DROSHA: variants seen among roughly 807,000 people sequenced by gnomAD.
DROSHA encodes drosha ribonuclease III.
Under a neutral mutation model 181.9 loss-of-function variants are expected in DROSHA, and 56 were observed. That is an observed-to-expected ratio of 0.31 (90% CI 0.25 to 0.38). The LOEUF (loss-of-function observed/expected upper bound fraction) is 0.38. Ranked by LOEUF, DROSHA falls within the 10% of genes least tolerant of loss-of-function variation. DROSHA has a pLI of 1.00. For synonymous variants in DROSHA, 524 were observed against 591.2 expected, an observed-to-expected ratio of 0.89 and a Z score of 1.65; for missense variants, 1,218 against 1,743.5, an observed-to-expected ratio of 0.70 and a Z score of 5.37.
At position 31,526,383 on chromosome 5, in the gene DROSHA, T is replaced by C; in HGVS notation, c.550A>G (p.Ser184Gly). 1 of 1,613,372 alleles carries C rather than the reference T, an allele frequency of 6.2e-7. No homozygotes were observed. The highest frequency in any genetic ancestry group is 8.5e-7 in the Non-Finnish European group (1 of 1,179,804). ...AAAGAACTAGGGTTGTTCTGGAAAC[T>C]ATTAAAACTGGGAGGTGGGAAGTTG... Reference protein sequence around the residue: ...HHNFPPPSFNSFQNNPSSFLP... With the variant: ...HHNFPPPSFNGFQNNPSSFLP... The change falls in exon 5 of 36, where the codon AGT (serine) becomes GGT (glycine). Residue 184 changes from serine (S) to glycine (G), a missense_variant. Ser to Gly is a moderately conservative substitution (Grantham distance 56, BLOSUM62 0). Coordinates refer to ENST00000344624, the MANE Select transcript of DROSHA (RefSeq NM_001382508.1).
At chr5:31,421,499 C>A (rs1438793633) in intron 29 of DROSHA, 122 bp from the exon 30 acceptor site, 1 of 784,460 alleles carries the variant, frequency 1.3e-6, no homozygotes, top group Admixed American at 2.3e-5. Flanking sequence ...TTTTAAAGCA[C>A]AAAACCAAAT....
chr5:31,425,264 A>G (rs1409116497), intron 27 of DROSHA, among the ~76,000 whole-genome samples: 1 of 152,226 alleles, frequency 6.6e-6, no homozygotes, highest in Non-Finnish European at 1.5e-5. Context: ...CTTGTAACAC[A>G]CAGGGTAATA....
In DROSHA at chr5:31,431,366, C is replaced by CAAAA. The variant is rs58316191; in HGVS notation, c.3145+206_3145+209dup. Among the ~76,000 whole-genome samples, 175 of 57,650 alleles carry CAAAA rather than the reference C, an allele frequency of 3.0e-3. 5 individuals are homozygous for CAAAA. Among genetic ancestry groups the CAAAA allele is most frequent in the African/African-American group, 7.9e-3 (117 of 14,860 alleles). The allele number at this position is 57,650 out of a possible 152,430, so 37.8% of individuals were successfully genotyped here. A position where few individuals can be genotyped will look rare whatever the true frequency, so the allele number is the denominator to read the frequency against. On this transcript the variant is annotated intron_variant, in intron 26 of 35. Coordinates refer to ENST00000344624, the MANE Select transcript of DROSHA (RefSeq NM_001382508.1). Reference sequence around the variant, plus strand: ...AGACACCAATTCAGGCAGTAGAATGCAAAAAAAAAAAAAAAAAAAAAAAGA... The same window carrying CAAAA: ...AGACACCAATTCAGGCAGTAGAATGCAAAAAAAAAAAAAAAAAAAAAAAAAAAGA...
Position 31,526,749 on chromosome 5 carries a change from T to C in DROSHA, c.184A>G (p.Thr62Ala), listed in dbSNP as rs748771830. ...QYEPPSAPST[T>A]FSNSPAPNFL... Reference sequence around the variant, plus strand: ...TTGGGGGCTGGAGAGTTTGAGAAAGTGGTGGAAGGGGCACTTGGAGGTTCA... The same window carrying C: ...TTGGGGGCTGGAGAGTTTGAGAAAGCGGTGGAAGGGGCACTTGGAGGTTCA... The change falls in exon 5 of 36, where the codon ACT (threonine) becomes GCT (alanine). Residue 62 changes from threonine to alanine, a missense_variant. By Grantham distance (58) the Thr-to-Ala change is moderately conservative (BLOSUM62 0). Coordinates refer to ENST00000344624, the MANE Select transcript of DROSHA (RefSeq NM_001382508.1). The C allele has an allele frequency of 1.8e-5, 29 of 1,585,670 alleles. No homozygotes were observed. The highest frequency in any genetic ancestry group is 9.3e-5 in the Admixed American group (5 of 54,008).
intron 13 of DROSHA, among the ~76,000 whole-genome samples, chr5:31,489,670 CA>C (rs11348464): frequency 0.92 from 139,416 of 152,078 alleles, 64,298 homozygotes; most frequent in Non-Finnish European, 0.98. Flanking sequence ...CTCACCCTAG[CA>C]AAAAAACTCA....
At chr5:31,459,380 C>G (rs1251853610) in intron 20 of DROSHA, among the ~76,000 whole-genome samples, 7 of 146,746 alleles carry the variant, frequency 4.8e-5, no homozygotes, top group African/African-American at 1.8e-4. Flanking sequence ...CCACTGGATT[C>G]CAGCCTGGGC....
rs891237855 is a variant in DROSHA at position 31,515,533 on chromosome 5, C to T, written c.979G>A (p.Ala327Thr). ...CCAGGTAATTCTGGTGTGCATCCAG[C>T]AGGTTCAGGAACAACCGATAAACCG... ...SYGLSVVPEP[A>T]GCTPELPGEI... Residue 327 changes from alanine (A) to threonine (T), a missense_variant, in exon 7 of 36, where the codon GCT becomes ACT. Transcript: ENST00000344624. 1.3e-6 allele frequency: 2 copies of T among 1,547,938 alleles called. No individual in the cohort carries two copies. Among genetic ancestry groups the T allele is most frequent in the Non-Finnish European group, 1.7e-6 (2 of 1,143,552 alleles).
rs575016913 is a variant in DROSHA, at chr5:31,451,523, T to C, written c.2682+10A>G. The C allele has an allele frequency of 2.5e-6, 4 of 1,600,536 alleles. No homozygotes were observed. The highest frequency in any genetic ancestry group is 4.5e-5 in the East Asian group (2 of 44,706). ...GTTATTATGTGAGTTTACAGGAGAA[T>C]AATTCTTACCTGCAACAGACAACGA... is the stretch of plus-strand genomic sequence containing the variant. On this transcript the variant is annotated intron_variant, in intron 21 of 35. Coordinates refer to ENST00000344624, the MANE Select transcript of DROSHA (RefSeq NM_001382508.1).
chr5:31,435,720 G>C (rs767392779), intron 25 of DROSHA, 45 bp downstream of exon 25: 1 of 1,556,346 alleles, frequency 6.4e-7, no homozygotes, highest in Non-Finnish European at 8.8e-7. Context: ...GACCGCAGAA[G>C]AGCATGTCAG....
chr5:31,526,699 A>C lies in DROSHA; in HGVS notation c.234T>G (p.Phe78Leu). Residue 78 changes from phenylalanine to leucine, a missense_variant, in exon 5 of 36, where the codon TTT becomes TTG. Phe to Leu is a conservative substitution (Grantham distance 22). Transcript: ENST00000344624. Reference sequence around the variant, plus strand: ...GAGGCATGGGTGGGGGGAAGGGTACAAAGTCTGGTCGTGGAGGGAGAAAAT... The same window carrying C: ...GAGGCATGGGTGGGGGGAAGGGTACCAAGTCTGGTCGTGGAGGGAGAAAAT... ...APNFLPPRPD[F>L]VPFPPPMPPS... 1 of 1,540,492 alleles carries C rather than the reference A, an allele frequency of 6.5e-7. No homozygotes were observed. The highest frequency in any genetic ancestry group is 8.7e-7 in the Non-Finnish European group (1 of 1,147,622).
chr5:31,425,846 G>A (rs1203318492), intron 27 of DROSHA, among the ~76,000 whole-genome samples: 1 of 152,112 alleles, frequency 6.6e-6, no homozygotes, highest in African/African-American at 2.4e-5. Flanking sequence ...AAGCTTCCAT[G>A]TCCTCAAGCT....
intron 18 of DROSHA, 163 bp from the exon 19 acceptor site, chr5:31,466,444 C>T (rs531646075): frequency 3.0e-5 from 18 of 604,810 alleles, no homozygotes; most frequent in Non-Finnish European, 4.6e-5. Flanking sequence ...GACTTTGAGG[C>T]TGAGAGTCAG....
rs564206944 is a variant in DROSHA, at chr5:31,514,148, G to A, written c.1290+840C>T. On this transcript the variant is annotated intron_variant, in intron 8 of 35. Transcript: ENST00000344624. This position sits in a 1 kb window ranked among gnomAD's most constrained non-coding sequence, Gnocchi z 4.4. Reference sequence around the variant, plus strand: ...CTAGCCAATATGCATGGGCAACTTCGTAGGGTTGGTGCTCTTTTGGTCAAG... The same window carrying A: ...CTAGCCAATATGCATGGGCAACTTCATAGGGTTGGTGCTCTTTTGGTCAAG... Among the ~76,000 whole-genome samples, 21 of 152,048 alleles carry A rather than the reference G, an allele frequency of 1.4e-4. No individual in the cohort carries two copies. The highest frequency in any genetic ancestry group is 2.1e-4 in the South Asian group (1 of 4,812).
intron 22 of DROSHA, among the ~76,000 whole-genome samples, chr5:31,448,979 A>G (rs1746639398): frequency 6.6e-6 from 1 of 152,110 alleles, no homozygotes. Flanking sequence ...ATAAAAATAC[A>G]AAAAAACTAG....
Position 31,401,475 on chromosome 5 carries a change from T to A in DROSHA, c.4082A>T (p.His1361Leu). The change falls in exon 36 of 36, where the codon CAT (histidine) becomes CTT (leucine). Residue 1361 changes from histidine to leucine, a missense_variant. Physicochemically the swap from His to Leu is moderately conservative, Grantham distance 99. This residue lies in a region of DROSHA where 32 missense variants were observed against 29.2 expected (regional missense o/e 1.09). Coordinates refer to ENST00000344624, the MANE Select transcript of DROSHA (RefSeq NM_001382508.1). The part of the protein sequence containing the change: ...ELKEMRWERE[H>L]QEREPDETED... Reference sequence around the variant, plus strand: ...AGTCTCATCTGGCTCTCTCTCTTGATGCTCTCTTTCCCACCTCATTTCTTT... The same window carrying A: ...AGTCTCATCTGGCTCTCTCTCTTGAAGCTCTCTTTCCCACCTCATTTCTTT... The A allele has an allele frequency of 6.2e-7, 1 of 1,613,288 alleles. No homozygotes were observed. Among genetic ancestry groups the A allele is most frequent in the South Asian group, 1.1e-5 (1 of 91,058 alleles).
At chr5:31,511,291 C>A (rs1738638431) in intron 8 of DROSHA, 115 bp from the exon 9 acceptor site, 20 of 1,042,826 alleles carry the variant, frequency 1.9e-5, no homozygotes, top group Non-Finnish European at 2.6e-5. Flanking sequence ...TATTTTTCAA[C>A]CCTAAATTTA....
At chr5:31,437,137 C>A in intron 24 of DROSHA, 102 bp downstream of exon 24, 1 of 1,238,836 alleles carries the variant, frequency 8.1e-7, no homozygotes, top group South Asian at 1.4e-5. Context: ...CACGGTGTAT[C>A]AATGCCTTAT....
intron 6 of DROSHA, among the ~76,000 whole-genome samples, chr5:31,516,650 A>G (rs1019978125): frequency 3.3e-5 from 5 of 152,226 alleles, no homozygotes; most frequent in African/African-American, 1.2e-4. Flanking sequence ...AGAAAAAATA[A>G]AGCACAAACA....
intron 35 of DROSHA, 39 bp downstream of exon 35, chr5:31,405,638 A>C: frequency 6.6e-7 from 1 of 1,512,860 alleles, no homozygotes; most frequent in Non-Finnish European, 8.9e-7. Flanking sequence ...AACACTCATT[A>C]CATTATGAAC....
Sources: gnomAD v4.1 joint callset for allele counts (sites outside exome capture counted in the v4.1 genomes callset) on GRCh38, gnomAD v4.1.1 for gene constraint, gnomAD v4.1.1 regional missense constraint, Gnocchi (gnomAD v3.1) non-coding constraint, MANE v1.5 for transcripts, NCBI Gene and HGNC (gene_info 2026-07-23, HGNC 2026-07-21) for gene names.